AK7: variants seen among roughly 807,000 people sequenced by gnomAD.
AK7 encodes adenylate kinase 7.
In AK7, 78 loss-of-function variants were observed where a neutral mutation model predicts 96.6. That is an observed-to-expected ratio of 0.81 (90% confidence interval 0.67 to 0.97). The LOEUF (loss-of-function observed/expected upper bound fraction) is 0.97. Ranked by LOEUF, AK7 falls within the 50% of genes least tolerant of loss-of-function variation. The pLI is 0.00. For missense variants in AK7, 855 were observed against 887.9 expected (o/e 0.96, Z 0.47); for synonymous variants, 302 against 317.2 (o/e 0.95, Z 0.51).
intron 1 of AK7, among the ~76,000 whole-genome samples, chr14:96,393,604 C>T (rs1028230662): frequency 3.3e-5 from 5 of 152,166 alleles, no homozygotes; most frequent in Admixed American, 1.3e-4. Context: ...ACATGGTGTT[C>T]TCTCCCCTGT....
At chr14:96,452,095 G>A (rs1893638261) in intron 10 of AK7, among the ~76,000 whole-genome samples, 1 of 152,006 alleles carries the variant, frequency 6.6e-6, no homozygotes, top group South Asian at 2.1e-4. Flanking sequence ...AACTTTTCAA[G>A]GTAGATATTC....
intron 14 of AK7, among the ~76,000 whole-genome samples, chr14:96,474,024 A>C (rs1448319037): frequency 6.6e-6 from 1 of 152,210 alleles, no homozygotes; most frequent in African/African-American, 2.4e-5. Flanking sequence ...ATTTCTTGTG[A>C]CCTTCCTGTA....
rs371239182 is a variant in AK7, at chr14:96,398,024, C to G, written c.106-51C>G. 4.5e-6 allele frequency: 7 copies of G among 1,566,430 alleles called. No individual in the cohort carries two copies. In the South Asian group the frequency reaches 5.8e-5, roughly 13 times the overall value. On this transcript the variant is annotated intron_variant, in intron 1 of 17. Coordinates refer to ENST00000267584, the MANE Select transcript of AK7 (RefSeq NM_152327.5). ...TTTCTAGAATCATCATTCACTGGCCCCCTGACTCTAATTTTCTCTTACCAT... is the reference window on the plus strand; with the variant it reads ...TTTCTAGAATCATCATTCACTGGCCGCCTGACTCTAATTTTCTCTTACCAT...
chr14:96,443,692 T>G (rs184987610), intron 7 of AK7, among the ~76,000 whole-genome samples: 1 of 152,132 alleles, frequency 6.6e-6, no homozygotes, highest in East Asian at 1.9e-4. Flanking sequence ...TGGGCCACAT[T>G]GGAAGATTTG....
chr14:96,454,572 G>A (rs1410099331), intron 10 of AK7, among the ~76,000 whole-genome samples: 1 of 151,876 alleles, frequency 6.6e-6, no homozygotes, highest in Non-Finnish European at 1.5e-5. Context: ...AGACCCTCCT[G>A]GGCTTAAGCA....
Position 96,427,897 on chromosome 14 carries a change from T to C in AK7, c.609+6965T>C, listed in dbSNP as rs1385046904. On this transcript the variant is annotated intron_variant, in intron 5 of 17. Transcript: ENST00000267584. ...CTCAGAAACAAGTAGATCATGCACA[T>C]ATATATGAAGATAAAAATTAAAGGG... 2.6e-5 allele frequency among the ~76,000 whole-genome samples: 4 copies of C among 152,244 alleles called. No individual in the cohort carries two copies. In the East Asian group the frequency reaches 5.8e-4, roughly 22 times the overall value.
chr14:96,444,054 C>T (rs1013451425), intron 7 of AK7, among the ~76,000 whole-genome samples: 14 of 152,094 alleles, frequency 9.2e-5, no homozygotes, highest in Admixed American at 3.3e-4. Flanking sequence ...GGATTACAGG[C>T]GTGAGCCACT....
At chr14:96,409,927 A>G (rs12100763) in intron 4 of AK7, among the ~76,000 whole-genome samples, 7,194 of 152,300 alleles carry the variant, frequency 0.047, 304 homozygotes, top group African/African-American at 0.12. Context: ...AACAATAGCA[A>G]TGGTGTGTTC....
intron 1 of AK7, 136 bp from the exon 2 acceptor site, chr14:96,397,939 C>T: frequency 1.3e-6 from 1 of 781,420 alleles, no homozygotes; most frequent in Non-Finnish European, 2.1e-6. Context: ...AATGAGATGA[C>T]AGTGTGCAAA....
rs76212874 is a variant in AK7, at chr14:96,444,055, G to A, written c.779+1237G>A. ...CTCCCAAAGTGCTGGGATTACAGGC[G>A]TGAGCCACTGCGCCCGGCCCAAAAA... On this transcript the variant is annotated intron_variant, in intron 7 of 17. Coordinates refer to ENST00000267584, the MANE Select transcript of AK7 (RefSeq NM_152327.5). 3.6e-3 allele frequency among the ~76,000 whole-genome samples: 542 copies of A among 152,140 alleles called. 26 individuals carry two copies. In the East Asian group the frequency reaches 0.093, roughly 26 times the overall value.
At chr14:96,479,222 G>T (rs533293643) in intron 15 of AK7, among the ~76,000 whole-genome samples, 1 of 151,990 alleles carries the variant, frequency 6.6e-6, no homozygotes, top group Non-Finnish European at 1.5e-5. Flanking sequence ...GACTACAGGT[G>T]CACACCACAG....
rs982759271 is a variant in AK7, at chr14:96,399,541, C to T, written c.294+1278C>T. 6.6e-6 allele frequency among the ~76,000 whole-genome samples: 1 copy of T among 152,226 alleles called. No individual in the cohort carries two copies. On this transcript the variant is annotated intron_variant, in intron 2 of 17. Coordinates refer to ENST00000267584, the MANE Select transcript of AK7 (RefSeq NM_152327.5). The surrounding 1 kb of genome is among the most constrained non-coding windows in gnomAD (Gnocchi z 4.1). Reference sequence around the variant, plus strand: ...AACTTCAGGAGACCAGCCGCATTTGCAGGTCTCACCCCTTCACCCCCGCCA... The same window carrying T: ...AACTTCAGGAGACCAGCCGCATTTGTAGGTCTCACCCCTTCACCCCCGCCA...
At chr14:96,480,016 G>T (rs1030227286) in intron 15 of AK7, among the ~76,000 whole-genome samples, 10 of 152,192 alleles carry the variant, frequency 6.6e-5, no homozygotes, top group African/African-American at 2.4e-4. Flanking sequence ...AATCAGGCTT[G>T]CAGGATTGTT....
At chr14:96,486,074 G>T (rs1032412306) in intron 16 of AK7, among the ~76,000 whole-genome samples, 2 of 152,150 alleles carry the variant, frequency 1.3e-5, no homozygotes, top group African/African-American at 2.4e-5. Context: ...GTGAGCCACC[G>T]CGCCCAGCCC....
intron 3 of AK7, among the ~76,000 whole-genome samples, chr14:96,405,755 C>T (rs1355836975): frequency 5.9e-5 from 9 of 152,282 alleles, no homozygotes; most frequent in Admixed American, 5.2e-4. Flanking sequence ...CAAATGTTCC[C>T]TGATGCCAAA....
chr14:96,413,179 A>G (rs1891139170), intron 4 of AK7, among the ~76,000 whole-genome samples: 1 of 152,184 alleles, frequency 6.6e-6, no homozygotes. Context: ...ATCTGTTCAG[A>G]GATGTCCTGA....
intron 5 of AK7, chr14:96,421,495 C>T (rs943710874): frequency 6.6e-6 from 1 of 152,212 alleles, no homozygotes; most frequent in Non-Finnish European, 1.5e-5. Flanking sequence ...CCATCAGCCA[C>T]CAAAGCCTGC....
rs1893053750 is a variant in AK7, at chr14:96,443,263, T to C, written c.779+445T>C. 2.0e-5 allele frequency among the ~76,000 whole-genome samples: 3 copies of C among 152,234 alleles called. No individual in the cohort carries two copies. In the South Asian group the frequency reaches 6.2e-4, roughly 31 times the overall value. On this transcript the variant is annotated intron_variant, in intron 7 of 17. Coordinates refer to ENST00000267584, the MANE Select transcript of AK7 (RefSeq NM_152327.5). ...GTAGGTAAAGTTGACATATGTTTTT[T>C]ATACTCACAGAGCATCTAAACCCTG...
intron 12 of AK7, among the ~76,000 whole-genome samples, chr14:96,459,052 A>G (rs943616041): frequency 6.6e-6 from 1 of 151,956 alleles, no homozygotes; most frequent in African/African-American, 2.4e-5. Context: ...AAAAGAAAAA[A>G]ATCGGCTGTG....
Sources: allele counts gnomAD v4.1 joint callset (sites outside exome capture counted in the v4.1 genomes callset), GRCh38; gene constraint gnomAD v4.1.1; non-coding constraint Gnocchi (gnomAD v3.1); transcripts MANE v1.5; gene names NCBI Gene and HGNC (gene_info 2026-07-23, HGNC 2026-07-21).